The following AKAP6 variants were observed in gnomAD, a reference collection of about 807,000 sequenced individuals.
The protein encoded by AKAP6 is A-kinase anchor protein 6.
A neutral mutation model predicts 188.5 loss-of-function variants in AKAP6; 58 were observed. The ratio of observed to expected loss-of-function variants is 0.31; its 90% CI spans 0.25 to 0.38. AKAP6 has a LOEUF of 0.38. AKAP6 is among the 10% of genes least tolerant of loss of function. AKAP6 has a pLI of 1.00. For missense variants in AKAP6, 2,710 were observed against 2,740.0 expected, an observed-to-expected ratio of 0.99 and a Z score of 0.24; for synonymous variants, 989 against 998.6, an observed-to-expected ratio of 0.99 and a Z score of 0.18.
chr14:32,744,662 G>A (rs966226591), intron 11 of AKAP6, among the ~76,000 whole-genome samples: 2 of 152,186 alleles, frequency 1.3e-5, no homozygotes, highest in Non-Finnish European at 2.9e-5. Context: ...CTTTGGGTTT[G>A]GGAAGTTCTT....
chr14:32,431,816 C>T (rs1890236161), intron 1 of AKAP6, among the ~76,000 whole-genome samples: 1 of 152,100 alleles, frequency 6.6e-6, no homozygotes, highest in Non-Finnish European at 1.5e-5. Flanking sequence ...GTCTGGCCTT[C>T]TCCTCACCAT....
Position 32,433,746 on chromosome 14 carries a change from C to T in AKAP6, c.253C>T (p.Arg85Ter). 3 of 1,614,164 alleles carry T rather than the reference C, an allele frequency of 1.9e-6. No individual in the cohort carries two copies. Among genetic ancestry groups the T allele is most frequent in the Non-Finnish European group, 2.5e-6 (3 of 1,180,028 alleles). The change falls in exon 2 of 14, where the codon CGA (arginine) becomes TGA (stop). Residue 85 changes from arginine (R) to a stop codon, truncating the protein, a stop_gained. Transcript: ENST00000280979. LOFTEE classifies it high-confidence loss of function. ...GCTCCGGATGACCTCAGAGAGGGTC[C>T]GAGACCTAACCTATTCAGTCCAGCA... ...TWLRMTSERV[R>*]DLTYSVQQDS...
rs1594655999 is a variant in AKAP6, at chr14:32,477,550, C to G, written c.324+43733C>G. On this transcript the variant is annotated intron_variant, in intron 2 of 13. Transcript: ENST00000280979. ...AGGTTGGAGCTCAACTCTTAGGCAACTTGGCTGTTATATGTATGTGAATGT... is the reference window on the plus strand; with the variant it reads ...AGGTTGGAGCTCAACTCTTAGGCAAGTTGGCTGTTATATGTATGTGAATGT... Among the ~76,000 whole-genome samples, 3 of 152,288 alleles carry G rather than the reference C, an allele frequency of 2.0e-5. No individual in the cohort carries two copies. The East Asian group carries it at 5.8e-4, about 29-fold the overall frequency.
chr14:32,722,444 A>G (rs1233892421), intron 9 of AKAP6, among the ~76,000 whole-genome samples: 3 of 152,174 alleles, frequency 2.0e-5, no homozygotes, highest in Admixed American at 6.5e-5. Flanking sequence ...GTCCCTGGCA[A>G]GGGCTCCACC....
intron 2 of AKAP6, among the ~76,000 whole-genome samples, chr14:32,438,242 G>T (rs906133498): frequency 3.3e-5 from 5 of 152,232 alleles, no homozygotes; most frequent in African/African-American, 1.2e-4. Flanking sequence ...GGGGGATCTT[G>T]TCTGGGGAGT....
At position 32,821,634 on chromosome 14, in the gene AKAP6, C is replaced by T; in HGVS notation, c.3821C>T (p.Ala1274Val). The change falls in exon 13 of 14, where the codon GCC becomes GTC. Residue 1274 changes from alanine (A) to valine (V), a missense_variant. By Grantham distance (64) the Ala-to-Val change is moderately conservative. Transcript: ENST00000280979. ...GATAACCATGGGGGATCTCAGTATGCCTCAAATATTACTGCCCCCTCTAGT... is the reference window on the plus strand; with the variant it reads ...GATAACCATGGGGGATCTCAGTATGTCTCAAATATTACTGCCCCCTCTAGT... ...EADNHGGSQY[A>V]SNITAPSSPH... 1 of 1,613,620 alleles carries T rather than the reference C, an allele frequency of 6.2e-7. No homozygotes were observed. The highest frequency in any genetic ancestry group is 8.5e-7 in the Non-Finnish European group (1 of 1,179,864).
intron 2 of AKAP6, among the ~76,000 whole-genome samples, chr14:32,485,780 T>A (rs566887481): frequency 1.3e-5 from 2 of 152,228 alleles, no homozygotes; most frequent in Non-Finnish European, 2.9e-5. Flanking sequence ...TTCACTCTGA[T>A]GATAATTCCT....
intron 2 of AKAP6, among the ~76,000 whole-genome samples, chr14:32,483,659 T>A (rs1046435120): frequency 6.6e-6 from 1 of 152,014 alleles, no homozygotes; most frequent in African/African-American, 2.4e-5. Flanking sequence ...TAATTTTGTA[T>A]TTTTAGTGGA....
chr14:32,377,205 G>A (rs774798585), intron 1 of AKAP6, among the ~76,000 whole-genome samples: 1 of 152,236 alleles, frequency 6.6e-6, no homozygotes, highest in East Asian at 1.9e-4. Flanking sequence ...CTATCTATGC[G>A]TACCCTTTGA....
intron 5 of AKAP6, among the ~76,000 whole-genome samples, chr14:32,580,659 T>C (rs1281101254): frequency 1.3e-5 from 2 of 152,062 alleles, no homozygotes; most frequent in Non-Finnish European, 2.9e-5. Flanking sequence ...CCCATTAACT[T>C]GTCATTTAGC....
At chr14:32,542,648 G>C (rs1419763369) in intron 3 of AKAP6, among the ~76,000 whole-genome samples, 1 of 152,172 alleles carries the variant, frequency 6.6e-6, no homozygotes, top group Non-Finnish European at 1.5e-5. Flanking sequence ...GGCAGGGCAA[G>C]CAGCATGTGC....
chr14:32,677,128 C>T (rs979505585), intron 7 of AKAP6, among the ~76,000 whole-genome samples: 7 of 152,182 alleles, frequency 4.6e-5, no homozygotes, highest in African/African-American at 1.7e-4. Flanking sequence ...ACCCGGCCTG[C>T]AAGACCTCAT....
chr14:32,458,766 A>C (rs1891224838), intron 2 of AKAP6, among the ~76,000 whole-genome samples: 1 of 152,168 alleles, frequency 6.6e-6, no homozygotes, highest in Non-Finnish European at 1.5e-5. Flanking sequence ...AATTTTAAAA[A>C]CTCAGAAATA....
intron 12 of AKAP6, among the ~76,000 whole-genome samples, chr14:32,786,235 A>G (rs2033397487): frequency 6.6e-6 from 1 of 151,090 alleles, no homozygotes; most frequent in Admixed American, 6.6e-5. Flanking sequence ...ATCTCTGATA[A>G]TATACATCTG....
At chr14:32,486,829 C>T (rs1212093771) in intron 2 of AKAP6, among the ~76,000 whole-genome samples, 2 of 152,102 alleles carry the variant, frequency 1.3e-5, no homozygotes, top group Non-Finnish European at 2.9e-5. Context: ...GCCTGATTGC[C>T]CTGGCCAGAA....
chr14:32,712,566 T>C (rs936668620), intron 9 of AKAP6, among the ~76,000 whole-genome samples: 15 of 152,106 alleles, frequency 9.9e-5, no homozygotes, highest in Non-Finnish European at 1.8e-4. Flanking sequence ...TAAGCTTATG[T>C]AATATTCTAA....
intron 7 of AKAP6, among the ~76,000 whole-genome samples, chr14:32,658,571 C>T (rs1208095558): frequency 6.6e-6 from 1 of 151,698 alleles, no homozygotes; most frequent in Non-Finnish European, 1.5e-5. Flanking sequence ...TGTTAATTAC[C>T]TATATTAATG....
chr14:32,383,116 TG>T (rs1888423215), intron 1 of AKAP6, among the ~76,000 whole-genome samples: 1 of 151,774 alleles, frequency 6.6e-6, no homozygotes, highest in Admixed American at 6.6e-5. Flanking sequence ...TGTGTGTGTG[TG>T]TGTGTGTGTG....
chr14:32,807,068 A>G (rs1347819643), intron 12 of AKAP6, among the ~76,000 whole-genome samples: 1 of 71,672 alleles, frequency 1.4e-5, no homozygotes, highest in Non-Finnish European at 3.0e-5. Flanking sequence ...AAAGGGGGGG[A>G]AATATATATA....
Sources: gnomAD v4.1 joint callset for allele counts (sites outside exome capture counted in the v4.1 genomes callset) on GRCh38, gnomAD v4.1.1 for gene constraint, MANE v1.5 for transcripts, NCBI Gene and HGNC (gene_info 2026-07-23, HGNC 2026-07-21) for gene names.